Variants in UBA6 observed in about 807,000 individuals in gnomAD.
UBA6 encodes the protein ubiquitin like modifier activating enzyme 6.
Under a neutral mutation model 148.3 loss-of-function variants are expected in UBA6, and 87 were observed. That is an observed-to-expected ratio of 0.59 (90% CI 0.49 to 0.70). UBA6 has a LOEUF of 0.70. Ranked by LOEUF, UBA6 falls within the 30% of genes least tolerant of loss-of-function variation. UBA6 has a pLI of 0.00. For synonymous variants in UBA6, 376 were observed against 401.0 expected (o/e 0.94, Z 0.75); for missense variants, 1,186 against 1,241.2 (o/e 0.96, Z 0.67).
In UBA6 at chr4:67,678,628, T is replaced by G. The variant is rs141046859; in HGVS notation, c.259-95A>C. ...ACAATGTACTAGAACTATTATTTTG[T>G]GTAATTAGACAATGAAAAGTAAACA... On this transcript the variant is annotated intron_variant, in intron 4 of 32. Transcript: ENST00000322244. 6.1e-3 allele frequency: 3,234 copies of G among 531,402 alleles called. 25 individuals carry two copies. The highest frequency in any genetic ancestry group is 8.2e-3 in the Non-Finnish European group (2,470 of 302,804). The allele number at this position is 531,402 out of a possible 1,614,324, so 32.9% of individuals were successfully genotyped here. A position where few individuals can be genotyped will look rare whatever the true frequency, so the allele number is the denominator to read the frequency against.
At chr4:67,699,142 G>A (rs1323158488) in intron 1 of UBA6, among the ~76,000 whole-genome samples, 3 of 152,136 alleles carry the variant, frequency 2.0e-5, no homozygotes, top group Non-Finnish European at 2.9e-5. Flanking sequence ...ACTAAACACT[G>A]GCAAGCAGAG....
rs377186646 is a variant in UBA6 at position 67,663,868 on chromosome 4, G to T, written c.960+17C>A. ...TGATTCTGCTGCCTCTCTCAAACCTGCAAAGTGTTTATTTACCTCAGGGTT... is the reference window on the plus strand; with the variant it reads ...TGATTCTGCTGCCTCTCTCAAACCTTCAAAGTGTTTATTTACCTCAGGGTT... On this transcript the variant is annotated intron_variant, in intron 11 of 32. Coordinates refer to ENST00000322244, the MANE Select transcript of UBA6 (RefSeq NM_018227.6). The T allele has an allele frequency of 1.2e-6, 2 of 1,609,960 alleles. No individual in the cohort carries two copies. The highest frequency in any genetic ancestry group is 1.7e-6 in the Non-Finnish European group (2 of 1,176,562).
intron 13 of UBA6, among the ~76,000 whole-genome samples, chr4:67,661,082 A>C (rs1258863995): frequency 6.6e-6 from 1 of 152,164 alleles, no homozygotes; most frequent in Non-Finnish European, 1.5e-5. Flanking sequence ...CTAGGAAGTA[A>C]CTAACTTGCT....
chr4:67,648,838 A>T (rs1729485210), intron 14 of UBA6, among the ~76,000 whole-genome samples: 1 of 152,190 alleles, frequency 6.6e-6, no homozygotes, highest in Admixed American at 6.5e-5. Context: ...ATCACAACTA[A>T]GGGAAATATA....
At chr4:67,659,499 C>T (rs1292728255) in intron 13 of UBA6, among the ~76,000 whole-genome samples, 1 of 126,606 alleles carries the variant, frequency 7.9e-6, no homozygotes, top group Admixed American at 8.3e-5. Context: ...AAGAAGCTGC[C>T]TGCTTCTCCT....
chr4:67,626,518 C>T, intron 27 of UBA6, 41 bp from the exon 28 acceptor site: 1 of 1,257,910 alleles, frequency 7.9e-7, no homozygotes. Flanking sequence ...GTTATCATTT[C>T]CTGCATCTGT....
intron 2 of UBA6, among the ~76,000 whole-genome samples, chr4:67,682,450 T>C (rs1730466558): frequency 6.6e-6 from 1 of 152,046 alleles, no homozygotes; most frequent in Admixed American, 6.6e-5. Context: ...CAGATGGAGG[T>C]GAGTAAGAGT....
intron 20 of UBA6, 118 bp from the exon 21 acceptor site, chr4:67,634,636 C>T (rs2109905249): frequency 1.6e-6 from 1 of 642,316 alleles, no homozygotes; most frequent in East Asian, 3.0e-5. Context: ...AAAATCCAAC[C>T]AGACATTTTT....
rs1358532513 is a variant in UBA6, at chr4:67,676,772, T to C, written c.465+839A>G. Reference sequence around the variant, plus strand: ...TTCCTTACATTATTTTGAGCTCGGATAGTCATTTAAAAGAAAGTCTGTTTA... The same window carrying C: ...TTCCTTACATTATTTTGAGCTCGGACAGTCATTTAAAAGAAAGTCTGTTTA... On this transcript the variant is annotated intron_variant, in intron 6 of 32. Transcript: ENST00000322244. Among the ~76,000 whole-genome samples the C allele has an allele frequency of 6.6e-5, 10 of 152,178 alleles. 1 individual carries two copies. Among genetic ancestry groups the C allele is most frequent in the Admixed American group, 6.5e-4 (10 of 15,270 alleles).
intron 21 of UBA6, 50 bp downstream of exon 21, chr4:67,634,379 A>G (rs1729084608): frequency 1.3e-6 from 2 of 1,558,490 alleles, no homozygotes; most frequent in East Asian, 4.5e-5. Flanking sequence ...AAAGTCAGAA[A>G]TATCTTCTTT....
chr4:67,658,035 G>A (rs921167783), intron 13 of UBA6, among the ~76,000 whole-genome samples: 3 of 151,816 alleles, frequency 2.0e-5, no homozygotes, highest in African/African-American at 7.3e-5. Flanking sequence ...CATTAAAAAG[G>A]AAACTACAGA....
intron 17 of UBA6, among the ~76,000 whole-genome samples, chr4:67,642,518 C>T (rs1729331111): frequency 6.6e-6 from 1 of 151,994 alleles, no homozygotes; most frequent in Non-Finnish European, 1.5e-5. Flanking sequence ...TTACACACTG[C>T]CCACACAACC....
At chr4:67,684,687 T>C (rs954710130) in intron 2 of UBA6, among the ~76,000 whole-genome samples, 13 of 152,232 alleles carry the variant, frequency 8.5e-5, no homozygotes, top group Admixed American at 7.9e-4. Flanking sequence ...ATGAAATCTA[T>C]ACCTGTTTGG....
At chr4:67,685,084 G>C (rs1730526268) in intron 2 of UBA6, among the ~76,000 whole-genome samples, 1 of 152,054 alleles carries the variant, frequency 6.6e-6, no homozygotes, top group Non-Finnish European at 1.5e-5. Flanking sequence ...GTTTATGAGA[G>C]AGAGAAAAAA....
At chr4:67,673,234 A>T (rs1577829347) in intron 7 of UBA6, among the ~76,000 whole-genome samples, 2 of 151,730 alleles carry the variant, frequency 1.3e-5, no homozygotes, top group Admixed American at 6.6e-5. Context: ...CCAACATGGT[A>T]AAACCCCGTC....
intron 1 of UBA6, among the ~76,000 whole-genome samples, chr4:67,700,678 C>A (rs1216933256): frequency 1.3e-5 from 2 of 152,016 alleles, no homozygotes; most frequent in African/African-American, 4.8e-5. Context: ...TTTCTTTTTA[C>A]GGAAAGGAGG....
At chr4:67,666,596 A>C (rs148349620) in intron 9 of UBA6, among the ~76,000 whole-genome samples, 2,734 of 152,202 alleles carry the variant, frequency 0.018, 35 homozygotes, top group Non-Finnish European at 0.028. Flanking sequence ...GCTGGTCATG[A>C]GGTTTTTTTA....
intron 13 of UBA6, among the ~76,000 whole-genome samples, chr4:67,657,824 T>C (rs1423003052): frequency 9.4e-5 from 3 of 31,888 alleles, no homozygotes; most frequent in African/African-American, 2.9e-4. Context: ...TAAACAAATT[T>C]ACAAAAAAAA....
intron 2 of UBA6, among the ~76,000 whole-genome samples, chr4:67,687,527 T>C (rs1730601888): frequency 6.6e-6 from 1 of 152,168 alleles, no homozygotes; most frequent in Admixed American, 6.5e-5. Flanking sequence ...TTGCTGAACA[T>C]CTACTCATTT....
Sources: gnomAD v4.1 joint callset for allele counts (sites outside exome capture counted in the v4.1 genomes callset) on GRCh38, gnomAD v4.1.1 for gene constraint, MANE v1.5 for transcripts, NCBI Gene and HGNC (gene_info 2026-07-23, HGNC 2026-07-21) for gene names.